The following CAMTA1 variants were observed in gnomAD, a reference collection of about 807,000 sequenced individuals.
CAMTA1 encodes calmodulin-binding transcription activator 1.
In CAMTA1, 27 loss-of-function variants were observed where a neutral mutation model predicts 170.9. The observed-to-expected ratio is 0.16, with a 90% CI of 0.12 to 0.22. The LOEUF (loss-of-function observed/expected upper bound fraction) is 0.22. CAMTA1 is among the 10% of genes least tolerant of loss of function. The pLI is 1.00. For synonymous variants in CAMTA1, 833 were observed against 891.5 expected, an observed-to-expected ratio of 0.93 and a Z score of 1.17; for missense variants, 1,619 against 2,217.2, an observed-to-expected ratio of 0.73 and a Z score of 5.42.
intron 3 of CAMTA1, among the ~76,000 whole-genome samples, chr1:7,026,613 G>A (rs898829791): frequency 1.3e-5 from 2 of 150,762 alleles, no homozygotes; most frequent in Admixed American, 1.3e-4. Context: ...CAGAAACTAA[G>A]GGCTGGGAGG....
At chr1:7,445,041 C>T (rs893991909) in intron 5 of CAMTA1, among the ~76,000 whole-genome samples, 9 of 77,612 alleles carry the variant, frequency 1.2e-4, no homozygotes, top group Admixed American at 6.0e-4. Flanking sequence ...CTCCCTAGCA[C>T]GGGGTAGGAG....
intron 4 of CAMTA1, among the ~76,000 whole-genome samples, chr1:7,220,685 A>C (rs898255718): frequency 6.6e-6 from 1 of 152,240 alleles, no homozygotes; most frequent in African/African-American, 2.4e-5. Context: ...AATGGGACAC[A>C]GCCAACATCT....
chr1:7,532,446 C>T lies in CAMTA1; in HGVS notation c.510+64545C>T, dbSNP rs12090007. ...AAGTATCTGGGACTACAGGCACACA[C>T]CCCTGTGCCCAGCTAATTTTTATTT... On this transcript the variant is annotated intron_variant, in intron 6 of 22. Transcript: ENST00000303635. This position sits in a 1 kb window ranked among gnomAD's most constrained non-coding sequence, Gnocchi z 4.2. Among the ~76,000 whole-genome samples, 389 of 152,152 alleles carry T rather than the reference C, an allele frequency of 2.6e-3. 2 individuals are homozygous for T. The highest frequency in any genetic ancestry group is 8.3e-3 in the African/African-American group (344 of 41,436).
intron 4 of CAMTA1, among the ~76,000 whole-genome samples, chr1:7,199,158 C>A (rs1187834516): frequency 2.0e-4 from 4 of 20,080 alleles, no homozygotes; most frequent in Non-Finnish European, 3.9e-4. Flanking sequence ...TTACTGATGC[C>A]CCCCCCAACT....
intron 6 of CAMTA1, among the ~76,000 whole-genome samples, chr1:7,627,210 C>G (rs1032826961): frequency 1.3e-5 from 2 of 152,166 alleles, no homozygotes; most frequent in Non-Finnish European, 2.9e-5. Flanking sequence ...TATGTTTGGA[C>G]AAGAATGGCT....
intron 3 of CAMTA1, among the ~76,000 whole-genome samples, chr1:6,872,522 A>G (rs537618821): frequency 6.6e-6 from 1 of 152,336 alleles, no homozygotes; most frequent in Non-Finnish European, 1.5e-5. Flanking sequence ...GTTAAGAACA[A>G]GCAATTTAAC....
rs998860538 is a variant in CAMTA1 at position 7,234,043 on chromosome 1, C to T, written c.303-15448C>T. On this transcript the variant is annotated intron_variant, in intron 4 of 22. Coordinates refer to ENST00000303635, the MANE Select transcript of CAMTA1 (RefSeq NM_015215.4). This position sits in a 1 kb window ranked among gnomAD's most constrained non-coding sequence, Gnocchi z 5.0. ...CTACATTTGTATTAAGATTGGAGTC[C>T]TCGCTTTTCCTTCATCGCTGTTAAT... 6.6e-6 allele frequency among the ~76,000 whole-genome samples: 1 copy of T among 152,174 alleles called. No individual in the cohort carries two copies. The highest frequency in any genetic ancestry group is 2.4e-5 in the African/African-American group (1 of 41,434).
intron 3 of CAMTA1, chr1:6,834,269 ATTTTTTG>A (rs918356588): frequency 1.2e-4 from 16 of 136,696 alleles, no homozygotes; most frequent in African/African-American, 4.5e-4. Flanking sequence ...TTTTTATTTT[ATTTTTTG>A]TTTTTTTTTT....
intron 4 of CAMTA1, among the ~76,000 whole-genome samples, chr1:7,104,070 T>C (rs1201679493): frequency 2.1e-5 from 3 of 140,506 alleles, no homozygotes; most frequent in African/African-American, 8.2e-5. Flanking sequence ...ATGTACACAC[T>C]ACACAGATGT....
chr1:6,818,900 CAA>C (rs149495328), intron 1 of CAMTA1, among the ~76,000 whole-genome samples: 3,838 of 152,094 alleles, frequency 0.025, 147 homozygotes, highest in African/African-American at 0.083. Context: ...ATTGGCTCCG[CAA>C]AGTGTTGGGA....
intron 3 of CAMTA1, among the ~76,000 whole-genome samples, chr1:6,963,375 C>T (rs966710654): frequency 3.0e-4 from 45 of 148,882 alleles, no homozygotes; most frequent in African/African-American, 1.0e-3. Flanking sequence ...CTGGAGCCAC[C>T]CCTCTTTCCA....
intron 6 of CAMTA1, among the ~76,000 whole-genome samples, chr1:7,509,936 G>A (rs1389178991): frequency 6.6e-6 from 1 of 151,508 alleles, no homozygotes; most frequent in Non-Finnish European, 1.5e-5. Context: ...GACCAAGGGG[G>A]AAAAGCTACC....
chr1:7,579,926 G>A (rs1241608694), intron 6 of CAMTA1, among the ~76,000 whole-genome samples: 3 of 152,228 alleles, frequency 2.0e-5, no homozygotes, highest in African/African-American at 7.2e-5. Context: ...CTGCGTCACT[G>A]GGACAGTTCT....
intron 3 of CAMTA1, among the ~76,000 whole-genome samples, chr1:6,830,162 G>T (rs1443052070): frequency 6.6e-6 from 1 of 151,134 alleles, no homozygotes; most frequent in African/African-American, 2.4e-5. Flanking sequence ...GTAGCCTCCC[G>T]CGTAGCTAGG....
chr1:6,803,329 C>G (rs200136694), intron 1 of CAMTA1, among the ~76,000 whole-genome samples: 3 of 152,204 alleles, frequency 2.0e-5, no homozygotes, highest in Non-Finnish European at 2.9e-5. Context: ...GGGAAGAAAA[C>G]AGAAAACAGC....
In CAMTA1 at chr1:7,592,101, GT is replaced by G. The variant is rs1029449530; in HGVS notation, c.511-48297del. On this transcript the variant is annotated intron_variant, in intron 6 of 22. Coordinates refer to ENST00000303635, the MANE Select transcript of CAMTA1 (RefSeq NM_015215.4). The surrounding 1 kb of genome is among the most constrained non-coding windows in gnomAD (Gnocchi z 4.6). The stretch of plus-strand genomic sequence containing the variant: ...TTTAGTAGAGATGGGGTTTCATCAT[GT>G]TGGCCAGGCTGGTCTCGAACTCCTG... 5.3e-5 allele frequency among the ~76,000 whole-genome samples: 8 copies of G among 152,076 alleles called. No individual in the cohort carries two copies. The highest frequency in any genetic ancestry group is 2.1e-4 in the South Asian group (1 of 4,818).
intron 3 of CAMTA1, among the ~76,000 whole-genome samples, chr1:7,085,281 A>G (rs1640587736): frequency 6.6e-6 from 1 of 152,224 alleles, no homozygotes; most frequent in South Asian, 2.1e-4. Flanking sequence ...CCTCTCACGT[A>G]GGGCCCGAGC....
chr1:7,126,175 C>T (rs1034254757), intron 4 of CAMTA1, among the ~76,000 whole-genome samples: 7 of 152,278 alleles, frequency 4.6e-5, no homozygotes, highest in African/African-American at 1.7e-4. Context: ...CCCACTGGGT[C>T]CCTCCCACAA....
intron 6 of CAMTA1, among the ~76,000 whole-genome samples, chr1:7,596,950 C>T (rs1239535265): frequency 6.6e-6 from 1 of 151,976 alleles, no homozygotes; most frequent in Non-Finnish European, 1.5e-5. Context: ...CAGGCGGAGC[C>T]CCCTGGCAGC....
Sources: allele counts gnomAD v4.1 joint callset (sites outside exome capture counted in the v4.1 genomes callset), GRCh38; gene constraint gnomAD v4.1.1; non-coding constraint Gnocchi (gnomAD v3.1); transcripts MANE v1.5; gene names NCBI Gene and HGNC (gene_info 2026-07-23, HGNC 2026-07-21).